The following SLC4A4 variants were observed in gnomAD, a reference collection of about 807,000 sequenced individuals.
The protein encoded by SLC4A4 is electrogenic sodium bicarbonate cotransporter 1.
In SLC4A4, 27 loss-of-function variants were observed where a neutral mutation model predicts 111.5. The observed-to-expected ratio is 0.24, with a 90% confidence interval of 0.18 to 0.33. SLC4A4 has a LOEUF of 0.33. Ranked by LOEUF, SLC4A4 falls within the 10% of genes least tolerant of loss-of-function variation. The probability of loss-of-function intolerance (pLI) is 1.00; values close to 1 mark genes in which losing one functional copy is unlikely to be tolerated. For missense variants in SLC4A4, 909 were observed against 1,315.5 expected (o/e 0.69, Z 4.78); for synonymous variants, 443 against 463.4 (o/e 0.96, Z 0.57).
At chr4:71,415,173 GTACTT>G (rs1311203812) in intron 7 of SLC4A4, among the ~76,000 whole-genome samples, 1 of 152,164 alleles carries the variant, frequency 6.6e-6, no homozygotes, top group African/African-American at 2.4e-5. Flanking sequence ...ACCTAGGGAG[GTACTT>G]TACTTTATGG....
At chr4:71,353,389 T>A (rs543249290) in intron 5 of SLC4A4, among the ~76,000 whole-genome samples, 3 of 152,068 alleles carry the variant, frequency 2.0e-5, no homozygotes, top group African/African-American at 7.2e-5. Flanking sequence ...AAATAACACA[T>A]CATAAGTAAA....
chr4:71,123,310 T>A (rs1444830126), intron 2 of SLC4A4, among the ~76,000 whole-genome samples: 1 of 152,176 alleles, frequency 6.6e-6, no homozygotes, highest in Non-Finnish European at 1.5e-5. Context: ...AACCATTACA[T>A]TGTAATATGC....
chr4:71,231,081 C>T (rs752049771), intron 1 of SLC4A4, among the ~76,000 whole-genome samples: 6 of 151,916 alleles, frequency 3.9e-5, no homozygotes, highest in Non-Finnish European at 4.4e-5. Flanking sequence ...CAGTGGGAGG[C>T]GTAACAGGGG....
chr4:71,079,298 G>A (rs903438102), intron 1 of SLC4A4, among the ~76,000 whole-genome samples: 3 of 152,136 alleles, frequency 2.0e-5, no homozygotes, highest in African/African-American at 7.2e-5. Flanking sequence ...TCGCAAGCCC[G>A]AGGCAGGTGA....
intron 2 of SLC4A4, among the ~76,000 whole-genome samples, chr4:71,151,378 T>G (rs1488082363): frequency 6.6e-6 from 1 of 152,188 alleles, no homozygotes; most frequent in Non-Finnish European, 1.5e-5. Flanking sequence ...ATTCAGTGCA[T>G]TTCTCTGGTT....
chr4:71,553,296 G>A (rs950691032), intron 20 of SLC4A4, among the ~76,000 whole-genome samples: 3 of 151,716 alleles, frequency 2.0e-5, no homozygotes, highest in African/African-American at 2.4e-5. Flanking sequence ...TTATTTTGTG[G>A]TAGATTTGGT....
chr4:71,129,870 C>T (rs1380561989), intron 2 of SLC4A4, among the ~76,000 whole-genome samples: 2 of 146,044 alleles, frequency 1.4e-5, no homozygotes, highest in African/African-American at 5.0e-5. Context: ...CCTAAGTAAA[C>T]TAACACAGGA....
chr4:71,447,961 A>G (rs909739261), intron 9 of SLC4A4, among the ~76,000 whole-genome samples: 1 of 152,142 alleles, frequency 6.6e-6, no homozygotes, highest in Non-Finnish European at 1.5e-5. Flanking sequence ...AATAAAACAT[A>G]TTTTCCTTTC....
intron 2 of SLC4A4, among the ~76,000 whole-genome samples, chr4:71,164,843 A>C (rs1264743474): frequency 6.6e-6 from 1 of 151,778 alleles, no homozygotes; most frequent in African/African-American, 2.4e-5. Context: ...CAAAGAACTT[A>C]AACAAATTTA....
chr4:71,178,265 C>T (rs904421048), intron 2 of SLC4A4, among the ~76,000 whole-genome samples: 17 of 150,554 alleles, frequency 1.1e-4, no homozygotes, highest in Non-Finnish European at 2.4e-4. Context: ...TGCACATGTA[C>T]CCTAAAACTT....
intron 18 of SLC4A4, among the ~76,000 whole-genome samples, chr4:71,536,484 A>ATATATATATATATATATATATG (rs1456558456): frequency 1.9e-5 from 2 of 106,316 alleles, no homozygotes; most frequent in African/African-American, 3.3e-5. Context: ...ATATATATAT[A>ATATATATATATATATATATATG]TATGTATATA....
At chr4:71,377,040 C>T (rs1228768798) in intron 6 of SLC4A4, among the ~76,000 whole-genome samples, 3 of 151,986 alleles carry the variant, frequency 2.0e-5, no homozygotes, top group Non-Finnish European at 4.4e-5. Context: ...ATAAGATATA[C>T]GACTTATGTT....
At chr4:71,092,172 A>G (rs1434069730) in intron 1 of SLC4A4, among the ~76,000 whole-genome samples, 2 of 152,322 alleles carry the variant, frequency 1.3e-5, no homozygotes, top group Admixed American at 1.3e-4. Context: ...TAATGTAAAC[A>G]TGTAAACAGG....
intron 1 of SLC4A4, among the ~76,000 whole-genome samples, chr4:71,092,537 A>G (rs554766144): frequency 6.6e-6 from 1 of 152,248 alleles, no homozygotes; most frequent in East Asian, 1.9e-4. Context: ...GGTTACTGGG[A>G]ATTTGCACGT....
intron 2 of SLC4A4, among the ~76,000 whole-genome samples, chr4:71,171,445 AG>A (rs1230393939): frequency 1.6e-4 from 24 of 152,242 alleles, no homozygotes; most frequent in Non-Finnish European, 2.9e-4. Context: ...ACTTGAGGTC[AG>A]TCACTTGATG....
intron 2 of SLC4A4, among the ~76,000 whole-genome samples, chr4:71,239,682 A>G (rs1720054395): frequency 6.6e-6 from 1 of 152,220 alleles, no homozygotes; most frequent in African/African-American, 2.4e-5. Context: ...TTAAAGGCCT[A>G]AACCTCATTG....
In SLC4A4 at chr4:71,439,468, A is replaced by AAG. The variant is rs779266790; in HGVS notation, c.808-1147_808-1146insGA. Among the ~76,000 whole-genome samples, 349 of 138,510 alleles carry AAG rather than the reference A, an allele frequency of 2.5e-3. 7 individuals are homozygous for AAG. The highest frequency in any genetic ancestry group is 4.7e-3 in the Non-Finnish European group (296 of 62,952). The allele number at this position is 138,510 out of a possible 152,430, so 90.9% of individuals were successfully genotyped here. A position where few individuals can be genotyped will look rare whatever the true frequency, so the allele number is the denominator to read the frequency against. On this transcript the variant is annotated intron_variant, in intron 7 of 25. Transcript: ENST00000264485. ...AAAAAAAAAAAAAAAAAAAAAAAAA[A>AAG]AAAGAAAAGAAAATCCCCAGCACCT...
intron 23 of SLC4A4, among the ~76,000 whole-genome samples, chr4:71,562,477 T>C (rs907979370): frequency 6.6e-6 from 1 of 151,870 alleles, no homozygotes; most frequent in Non-Finnish European, 1.5e-5. Context: ...GCTCTTCTTG[T>C]TACATTGATC....
chr4:71,142,390 T>G (rs1578518507), intron 2 of SLC4A4, among the ~76,000 whole-genome samples: 1 of 152,360 alleles, frequency 6.6e-6, no homozygotes, highest in Middle Eastern at 3.4e-3. Context: ...GTAATCTTTC[T>G]GGGACCTTAT....
Sources: gnomAD v4.1 joint callset for allele counts (sites outside exome capture counted in the v4.1 genomes callset) on GRCh38, gnomAD v4.1.1 for gene constraint, MANE v1.5 for transcripts, NCBI Gene and HGNC (gene_info 2026-07-23, HGNC 2026-07-21) for gene names.